The following HECW1 variants were observed in gnomAD, a reference collection of about 807,000 sequenced individuals.
The protein encoded by HECW1 is HECT, C2 and WW domain containing E3 ubiquitin protein ligase 1.
HECW1 carries 61 observed loss-of-function variants against 182.3 expected under a neutral mutation model. The observed-to-expected ratio is 0.33, with a 90% CI of 0.27 to 0.41. The LOEUF is 0.41. HECW1 is among the 10% of genes least tolerant of loss of function. The pLI, the probability that HECW1 is intolerant of heterozygous loss-of-function variation, is 1.00. For missense variants in HECW1, 1,739 were observed against 2,108.9 expected, an observed-to-expected ratio of 0.82 and a Z score of 3.44; for synonymous variants, 859 against 832.6, an observed-to-expected ratio of 1.03 and a Z score of -0.55.
At chr7:43,366,246 T>C (rs1325252679) in intron 6 of HECW1, among the ~76,000 whole-genome samples, 2 of 152,154 alleles carry the variant, frequency 1.3e-5, no homozygotes, top group Admixed American at 6.5e-5. Flanking sequence ...ATAGGACATT[T>C]CCACACCAAT....
rs145852139 is a variant in HECW1, at chr7:43,375,819, G to A, written c.555+14839G>A. 6.9e-3 allele frequency among the ~76,000 whole-genome samples: 1,033 copies of A among 150,732 alleles called. 9 individuals carry two copies. The highest frequency in any genetic ancestry group is 0.034 in the Middle Eastern group (10 of 294). On this transcript the variant is annotated intron_variant, in intron 6 of 29. Coordinates refer to ENST00000395891, the MANE Select transcript of HECW1 (RefSeq NM_015052.5). ...ATGGTGAGAGGATTGCTTGAGCCCT[G>A]GAGGTCAAGGCTGCAGTGAGCCATG...
chr7:43,343,410 C>A (rs1306075706), intron 5 of HECW1, among the ~76,000 whole-genome samples: 1 of 151,580 alleles, frequency 6.6e-6, no homozygotes, highest in Non-Finnish European at 1.5e-5. Context: ...CTAATGCTAT[C>A]CCTCACCCTG....
At chr7:43,274,634 GGGGA>G in intron 3 of HECW1, 8 of 362,408 alleles carry the variant, frequency 2.2e-5, no homozygotes, top group South Asian at 4.7e-5. Flanking sequence ...GAACGCCCCG[GGGGA>G]GGGAGGGAGA....
intron 5 of HECW1, among the ~76,000 whole-genome samples, chr7:43,351,813 G>T (rs1435149367): frequency 6.6e-6 from 1 of 151,742 alleles, no homozygotes; most frequent in Non-Finnish European, 1.5e-5. Context: ...CTCCTGAGGG[G>T]TTTTACATTT....
At chr7:43,171,480 G>A (rs1583807199) in intron 2 of HECW1, among the ~76,000 whole-genome samples, 1 of 152,262 alleles carries the variant, frequency 6.6e-6, no homozygotes, top group East Asian at 1.9e-4. Context: ...TGCTGGCCAG[G>A]CTCCAAGGAA....
chr7:43,407,600 A>C lies in HECW1; in HGVS notation c.670A>C (p.Asn224His). The C allele has an allele frequency of 6.2e-7, 1 of 1,613,574 alleles. No individual in the cohort carries two copies. Among genetic ancestry groups the C allele is most frequent in the Non-Finnish European group, 8.5e-7 (1 of 1,179,666 alleles). ...GGGGTTGAAGAAAGGGATGTTTTTC[A>C]ACCCAGACCCTTATCTGAAGATTTC... ...AMGLKKGMFF[N>H]PDPYLKISIQ... Residue 224 changes from asparagine to histidine, a missense_variant, in exon 8 of 30, where the codon AAC becomes CAC. Asn to His is a moderately conservative substitution (Grantham distance 68). Coordinates refer to ENST00000395891, the MANE Select transcript of HECW1 (RefSeq NM_015052.5).
chr7:43,252,804 A>G (rs897233879), intron 3 of HECW1, among the ~76,000 whole-genome samples: 3 of 152,246 alleles, frequency 2.0e-5, no homozygotes, highest in Non-Finnish European at 4.4e-5. Context: ...TACTGGGGGA[A>G]AGTAGTCTTG....
intron 6 of HECW1, among the ~76,000 whole-genome samples, chr7:43,395,443 G>C (rs2075195451): frequency 6.6e-6 from 1 of 152,206 alleles, no homozygotes; most frequent in South Asian, 2.1e-4. Flanking sequence ...TAAGTTTCAA[G>C]TTTTCATAAC....
intron 2 of HECW1, among the ~76,000 whole-genome samples, chr7:43,154,527 A>G (rs1441187022): frequency 6.6e-6 from 1 of 152,208 alleles, no homozygotes; most frequent in Admixed American, 6.5e-5. Context: ...CGTTGTAGTA[A>G]TCAGTGGTTT....
intron 2 of HECW1, among the ~76,000 whole-genome samples, chr7:43,139,704 T>G (rs768229199): frequency 5.3e-5 from 8 of 152,260 alleles, no homozygotes; most frequent in Non-Finnish European, 7.3e-5. Context: ...CAATTTTATA[T>G]TGTTCCCGGC....
intron 6 of HECW1, among the ~76,000 whole-genome samples, chr7:43,378,736 G>C (rs1341426213): frequency 2.6e-5 from 4 of 152,014 alleles, no homozygotes; most frequent in African/African-American, 9.7e-5. Context: ...AACCCAGGAG[G>C]CAGAGGTTGC....
At chr7:43,113,052 G>A (rs1784749045) in intron 1 of HECW1, 115 bp downstream of exon 1, 1 of 185,580 alleles carries the variant, frequency 5.4e-6, no homozygotes, top group Non-Finnish European at 1.1e-5. Context: ...TCGGGGCCGA[G>A]ATCCACCCTC....
At chr7:43,257,581 C>T (rs745326739) in intron 3 of HECW1, among the ~76,000 whole-genome samples, 14 of 152,040 alleles carry the variant, frequency 9.2e-5, no homozygotes, top group Non-Finnish European at 1.9e-4. Flanking sequence ...AAACCAAGCA[C>T]CATCCTCTAG....
intron 5 of HECW1, among the ~76,000 whole-genome samples, chr7:43,324,041 G>GA (rs5883862): frequency 0.46 from 68,527 of 150,276 alleles, 19,314 homozygotes; most frequent in African/African-American, 0.8. Context: ...TCTCAAAAAA[G>GA]AAAAAAAAAG....
At chr7:43,468,489 A>G (rs945810729) in intron 15 of HECW1, among the ~76,000 whole-genome samples, 2 of 151,554 alleles carry the variant, frequency 1.3e-5, no homozygotes, top group African/African-American at 4.8e-5. Context: ...CAGATAGTCC[A>G]TGTGGGCCAA....
In HECW1 at chr7:43,114,352, G is replaced by A. The variant is rs763695141; in HGVS notation, c.-71G>A. On this transcript the variant is annotated 5_prime_UTR_variant, in exon 2 of 30. Coordinates refer to ENST00000395891, the MANE Select transcript of HECW1 (RefSeq NM_015052.5). ...TCTCAAAGCAGGTGGCCAGATCTGCGTTTCTCATCAGCAGACTCACTCCGG... is the reference window on the plus strand; with the variant it reads ...TCTCAAAGCAGGTGGCCAGATCTGCATTTCTCATCAGCAGACTCACTCCGG... 1 of 1,357,578 alleles carries A rather than the reference G, an allele frequency of 7.4e-7. No homozygotes were observed. The highest frequency in any genetic ancestry group is 3.6e-5 in the East Asian group (1 of 27,876). The allele number at this position is 1,357,578 out of a possible 1,614,324, so 84.1% of individuals were successfully genotyped here.
intron 8 of HECW1, among the ~76,000 whole-genome samples, chr7:43,433,422 G>A (rs1279357053): frequency 6.6e-6 from 1 of 152,170 alleles, no homozygotes; most frequent in Non-Finnish European, 1.5e-5. Flanking sequence ...AGTCAAGAAT[G>A]GGACCCAGTA....
chr7:43,433,108 G>A (rs1414505553), intron 8 of HECW1, among the ~76,000 whole-genome samples: 1 of 152,244 alleles, frequency 6.6e-6, no homozygotes, highest in African/African-American at 2.4e-5. Context: ...ATCTAGGGGA[G>A]TGTCACTGGC....
At chr7:43,318,656 A>G (rs977917793) in intron 4 of HECW1, among the ~76,000 whole-genome samples, 10 of 152,258 alleles carry the variant, frequency 6.6e-5, no homozygotes, top group Admixed American at 6.5e-4. Flanking sequence ...ACAAAAGGCA[A>G]GAGCTGGGCC....
Sources: gnomAD v4.1 joint callset for allele counts (sites outside exome capture counted in the v4.1 genomes callset) on GRCh38, gnomAD v4.1.1 for gene constraint, MANE v1.5 for transcripts, NCBI Gene and HGNC (gene_info 2026-07-23, HGNC 2026-07-21) for gene names.